Variants in MYLK4 observed in about 807,000 individuals in gnomAD.
MYLK4 encodes myosin light chain kinase family member 4, also known as caMLCK like.
In MYLK4, 46 loss-of-function variants were observed where a neutral mutation model predicts 48.1. That is an observed-to-expected ratio of 0.96 (90% CI 0.75 to 1.22). The LOEUF (loss-of-function observed/expected upper bound fraction) is 1.22, where lower values mean the gene tolerates loss of function less well. Among genes scored for constraint, MYLK4 ranks in the 50% most tolerant of loss-of-function variants. The pLI, the probability that MYLK4 is intolerant of heterozygous loss-of-function variation, is 0.00. For synonymous variants in MYLK4, 170 were observed against 180.8 expected (o/e 0.94, Z 0.48); for missense variants, 451 against 486.1 (o/e 0.93, Z 0.68).
At chr6:2,756,965 AC>A in the MYLK4 span, among the ~76,000 whole-genome samples, 19 of 152,344 alleles carry the variant, frequency 1.2e-4, no homozygotes, top group African/African-American at 4.6e-4. Flanking sequence ...TATGATAGTA[AC>A]AAGGCATGAA....
In MYLK4 at chr6:2,738,040, A is replaced by G. The variant is rs1440272328; in HGVS notation, c.159+11096T>C. Among the ~76,000 whole-genome samples the G allele has an allele frequency of 4.1e-5, 6 of 147,938 alleles. No homozygotes were observed. The East Asian group carries it at 8.5e-4, about 21-fold the overall frequency. On this transcript the variant is annotated intron_variant, in intron 2 of 12. Transcript: ENST00000274643. Reference sequence around the variant, plus strand: ...TGAGGAAATACTTGAGAGAGGCTAAATAATATCCTTGATGTCATAGAAGTA... The same window carrying G: ...TGAGGAAATACTTGAGAGAGGCTAAGTAATATCCTTGATGTCATAGAAGTA...
chr6:2,718,371 T>C (rs1401386646), intron 2 of MYLK4, among the ~76,000 whole-genome samples: 1 of 152,214 alleles, frequency 6.6e-6, no homozygotes, highest in Admixed American at 6.5e-5. Flanking sequence ...CCTTCTTCTA[T>C]TCTAACAGAT....
intron 2 of MYLK4, among the ~76,000 whole-genome samples, chr6:2,716,227 A>G (rs1762860661): frequency 1.3e-5 from 2 of 152,244 alleles, no homozygotes; most frequent in South Asian, 4.1e-4. Context: ...TATGGACACA[A>G]AATCAAAGGA....
intron 2 of MYLK4, among the ~76,000 whole-genome samples, chr6:2,716,912 A>G (rs1762884690): frequency 6.6e-6 from 1 of 152,254 alleles, no homozygotes; most frequent in Non-Finnish European, 1.5e-5. Flanking sequence ...TATAGTAAAG[A>G]TAAGAGACAG....
intron 2 of MYLK4, among the ~76,000 whole-genome samples, chr6:2,726,846 C>G (rs1403998929): frequency 6.6e-6 from 1 of 152,108 alleles, no homozygotes; most frequent in Admixed American, 6.5e-5. Context: ...CTCCTGACCT[C>G]AGGTGATCCA....
rs889695687 is a variant in MYLK4 at position 2,676,989 on chromosome 6, C to A, written c.1040+1231G>T. Among the ~76,000 whole-genome samples the A allele has an allele frequency of 2.0e-5, 3 of 151,944 alleles. No individual in the cohort carries two copies. The East Asian group carries it at 5.8e-4, about 29-fold the overall frequency. ...TAGAGTAATGTGCTCATAATAATAACCTTGGCTGTTATTGTGCCTTTCCAT... is the reference window on the plus strand; with the variant it reads ...TAGAGTAATGTGCTCATAATAATAAACTTGGCTGTTATTGTGCCTTTCCAT... On this transcript the variant is annotated intron_variant, in intron 10 of 12. Transcript: ENST00000274643.
At chr6:2,762,861 T>G in the MYLK4 span, among the ~76,000 whole-genome samples, 3 of 152,170 alleles carry the variant, frequency 2.0e-5, no homozygotes, top group African/African-American at 7.2e-5. Flanking sequence ...TGCCAGTGGG[T>G]TCAGTGGGTT....
chr6:2,694,590 G>C (rs1432751134), intron 2 of MYLK4, among the ~76,000 whole-genome samples: 3 of 130,246 alleles, frequency 2.3e-5, no homozygotes, highest in South Asian at 2.6e-4. Flanking sequence ...GGTGGTGGTG[G>C]TGGTGGTGGT....
upstream of MYLK4, among the ~76,000 whole-genome samples, chr6:2,752,762 C>T (rs1242167750): frequency 1.3e-5 from 2 of 152,156 alleles, no homozygotes; most frequent in Non-Finnish European, 1.5e-5. Context: ...ACATTCAATA[C>T]ATATTTGATT....
At chr6:2,709,743 T>C (rs1404260826) in intron 2 of MYLK4, among the ~76,000 whole-genome samples, 1 of 152,196 alleles carries the variant, frequency 6.6e-6, no homozygotes, top group Non-Finnish European at 1.5e-5. Flanking sequence ...TTTGTAAAGC[T>C]TGTGCTAAAT....
Position 2,683,391 on chromosome 6 carries a change from TTGTGTGTGTGTG to T in MYLK4, c.546-241_546-230del, listed in dbSNP as rs67359849. The stretch of plus-strand genomic sequence containing the variant: ...ATCCTCAAGCCAACTCCCCACCTTT[TTGTGTGTGTGTG>T]TGTGTGTGTGTGTGTGTGTGTGTGT... On this transcript the variant is annotated intron_variant, in intron 6 of 12. Transcript: ENST00000274643. Among the ~76,000 whole-genome samples, 345 of 126,664 alleles carry T rather than the reference TTGTGTGTGTGTG, an allele frequency of 2.7e-3. 7 individuals are homozygous for T. Among genetic ancestry groups the T allele is most frequent in the African/African-American group, 9.1e-3 (321 of 35,104 alleles). 83.1% of individuals were successfully genotyped at this position (126,664 alleles called of 152,430 possible). A position where few individuals can be genotyped will look rare whatever the true frequency, so the allele number is the denominator to read the frequency against.
the MYLK4 span, among the ~76,000 whole-genome samples, chr6:2,767,493 G>C: frequency 0.013 from 1,976 of 152,280 alleles, 30 homozygotes; most frequent in South Asian, 0.061. Context: ...GGAATGAATT[G>C]CCCTTTTTGT....
intron 2 of MYLK4, among the ~76,000 whole-genome samples, chr6:2,717,787 G>A (rs555833407): frequency 1.2e-4 from 18 of 152,322 alleles, no homozygotes; most frequent in East Asian, 3.9e-4. Flanking sequence ...CACATTCAGT[G>A]CTCTTTTCAC....
upstream of MYLK4, among the ~76,000 whole-genome samples, chr6:2,754,969 A>G (rs1473156951): frequency 4.1e-5 from 6 of 147,994 alleles, no homozygotes; most frequent in East Asian, 2.0e-4. Context: ...TCTATCTTTT[A>G]TTTTCTGCTT....
chr6:2,746,536 A>G (rs1231750399), intron 2 of MYLK4, among the ~76,000 whole-genome samples: 1 of 152,212 alleles, frequency 6.6e-6, no homozygotes, highest in African/African-American at 2.4e-5. Context: ...TTCTTCCCCT[A>G]TTGGGACTGG....
the MYLK4 span, among the ~76,000 whole-genome samples, chr6:2,762,206 T>C: frequency 6.6e-6 from 1 of 151,660 alleles, no homozygotes; most frequent in Admixed American, 6.6e-5. Flanking sequence ...ATTAATTCTA[T>C]CTCTCTTAAT....
chr6:2,688,531 T>G (rs565964350), intron 4 of MYLK4, among the ~76,000 whole-genome samples: 52 of 152,368 alleles, frequency 3.4e-4, no homozygotes, highest in African/African-American at 1.1e-3. Flanking sequence ...AACTACACGC[T>G]GTTGACTCAT....
chr6:2,754,183 G>A (rs181011958), upstream of MYLK4, among the ~76,000 whole-genome samples: 15 of 152,232 alleles, frequency 9.9e-5, no homozygotes, highest in African/African-American at 2.9e-4. Flanking sequence ...ATCTACCCAA[G>A]AGAAATGAAA....
chr6:2,706,231 G>C (rs1762482384), intron 2 of MYLK4, among the ~76,000 whole-genome samples: 1 of 152,128 alleles, frequency 6.6e-6, no homozygotes, highest in African/African-American at 2.4e-5. Context: ...GTGATGTTTA[G>C]AAGAGTAGGC....
Sources: allele counts gnomAD v4.1 joint callset (sites outside exome capture counted in the v4.1 genomes callset), GRCh38; gene constraint gnomAD v4.1.1; transcripts MANE v1.5; gene names NCBI Gene and HGNC (gene_info 2026-07-23, HGNC 2026-07-21).